The following FRMD6 variants were observed in gnomAD, a reference collection of about 807,000 sequenced individuals.
FRMD6 encodes the protein FERM domain containing 6.
A neutral mutation model predicts 73.2 loss-of-function variants in FRMD6; 37 were observed. That is an observed-to-expected ratio of 0.51 (90% CI 0.39 to 0.66). The LOEUF is 0.66. Ranked by LOEUF, FRMD6 falls within the 30% of genes least tolerant of loss-of-function variation. The pLI, the probability that FRMD6 is intolerant of heterozygous loss-of-function variation, is 0.00. For synonymous variants in FRMD6, 273 were observed against 282.2 expected, an observed-to-expected ratio of 0.97 and a Z score of 0.33; for missense variants, 714 against 780.5, an observed-to-expected ratio of 0.91 and a Z score of 1.02.
intron 2 of FRMD6, among the ~76,000 whole-genome samples, chr14:51,590,815 T>A (rs866461001): frequency 6.6e-6 from 1 of 152,234 alleles, no homozygotes; most frequent in Non-Finnish European, 1.5e-5. Context: ...ATAATTTAAC[T>A]GGTTGGAAGG....
Position 51,728,231 on chromosome 14 carries a change from T to A in FRMD6, c.*202T>A, listed in dbSNP as rs914389291. On this transcript the variant is annotated 3_prime_UTR_variant, in exon 14 of 14. Transcript: ENST00000344768. ...ACAGAAGTAAAAGAACTACAGAAAA[T>A]GTACAGCAAGACAAGTGCCCGGAAG... is the stretch of plus-strand genomic sequence containing the variant. The A allele has an allele frequency of 3.6e-6, 2 of 558,498 alleles. No individual in the cohort carries two copies. Among genetic ancestry groups the A allele is most frequent in the African/African-American group, 3.7e-5 (2 of 53,654 alleles). The allele number at this position is 558,498 out of a possible 1,614,324, so 34.6% of individuals were successfully genotyped here. A position where few individuals can be genotyped will look rare whatever the true frequency, so the allele number is the denominator to read the frequency against.
At chr14:51,471,665 G>A in the FRMD6 span, among the ~76,000 whole-genome samples, 1 of 152,076 alleles carries the variant, frequency 6.6e-6, no homozygotes, top group Non-Finnish European at 1.5e-5. Flanking sequence ...AGTTAATACA[G>A]TTGAAGAAAT....
intron 1 of FRMD6, among the ~76,000 whole-genome samples, chr14:51,655,453 A>G (rs1049000132): frequency 1.3e-5 from 2 of 152,116 alleles, no homozygotes; most frequent in Admixed American, 1.3e-4. Flanking sequence ...AAACCCAAAC[A>G]GGAAAAATGT....
At chr14:51,531,832 A>G (rs1215907718) in intron 1 of FRMD6, among the ~76,000 whole-genome samples, 1 of 152,212 alleles carries the variant, frequency 6.6e-6, no homozygotes, top group Non-Finnish European at 1.5e-5. Flanking sequence ...TCATTTGTCA[A>G]TTGCAGCCAT....
At chr14:51,475,258 G>T in the FRMD6 span, among the ~76,000 whole-genome samples, 1 of 152,202 alleles carries the variant, frequency 6.6e-6, no homozygotes, top group South Asian at 2.1e-4. Context: ...TACATTAACA[G>T]CATTGGAACC....
At chr14:51,465,850 G>T in the FRMD6 span, among the ~76,000 whole-genome samples, 1 of 152,060 alleles carries the variant, frequency 6.6e-6, no homozygotes, top group Admixed American at 6.6e-5. Context: ...TGGTCAGTAG[G>T]TGTATATTTA....
chr14:51,507,639 T>C (rs1305416651), intron 1 of FRMD6, among the ~76,000 whole-genome samples: 1 of 152,152 alleles, frequency 6.6e-6, no homozygotes, highest in Non-Finnish European at 1.5e-5. Flanking sequence ...GAGGACCTCC[T>C]CCTCTTTCCC....
At chr14:51,662,223 G>A (rs1041414589) in intron 1 of FRMD6, among the ~76,000 whole-genome samples, 4 of 152,038 alleles carry the variant, frequency 2.6e-5, no homozygotes, top group Middle Eastern at 3.4e-3. Context: ...CTATAATGGA[G>A]TACCACACAT....
chr14:51,414,633 G>A, the FRMD6 span, among the ~76,000 whole-genome samples: 2 of 152,178 alleles, frequency 1.3e-5, no homozygotes, highest in Non-Finnish European at 2.9e-5. Flanking sequence ...TCTTGGCAAT[G>A]CAGGCTCTTT....
intron 1 of FRMD6, among the ~76,000 whole-genome samples, chr14:51,672,901 G>T (rs1018859942): frequency 6.6e-6 from 1 of 152,088 alleles, no homozygotes; most frequent in Non-Finnish European, 1.5e-5. Flanking sequence ...TTTCATGGAG[G>T]ATAAGTGTAG....
chr14:51,501,068 C>G (rs1201156416), intron 1 of FRMD6, among the ~76,000 whole-genome samples: 4 of 152,134 alleles, frequency 2.6e-5, no homozygotes, highest in Admixed American at 1.3e-4. Flanking sequence ...ATCATTTCCT[C>G]TACTCCAAAA....
upstream of FRMD6, chr14:51,650,428 C>T (rs890684634): frequency 1.5e-4 from 18 of 123,698 alleles, no homozygotes; most frequent in African/African-American, 4.7e-4. Flanking sequence ...CGGAGTCTCG[C>T]TCTGTCGCCC....
At chr14:51,593,367 G>C (rs775904112) in intron 2 of FRMD6, among the ~76,000 whole-genome samples, 3 of 152,132 alleles carry the variant, frequency 2.0e-5, no homozygotes, top group Non-Finnish European at 4.4e-5. Flanking sequence ...GTGAATAAGT[G>C]GAAGCAAAGA....
At chr14:51,448,685 G>A in the FRMD6 span, among the ~76,000 whole-genome samples, 1 of 152,190 alleles carries the variant, frequency 6.6e-6, no homozygotes, top group Non-Finnish European at 1.5e-5. Flanking sequence ...TCAAGGGCAG[G>A]TTAGGTCAGG....
chr14:51,412,990 A>ATTTT, the FRMD6 span, among the ~76,000 whole-genome samples: 6 of 134,152 alleles, frequency 4.5e-5, no homozygotes, highest in Non-Finnish European at 6.4e-5. Context: ...CCATAGTTAA[A>ATTTT]TTTTTTTTTT....
intron 2 of FRMD6, among the ~76,000 whole-genome samples, chr14:51,578,442 G>A (rs556830565): frequency 2.6e-5 from 4 of 152,280 alleles, no homozygotes; most frequent in African/African-American, 9.6e-5. Flanking sequence ...AAAAGAGGTC[G>A]GAGGCATTTT....
At chr14:51,498,450 C>T (rs976328869) in intron 1 of FRMD6, among the ~76,000 whole-genome samples, 5 of 152,184 alleles carry the variant, frequency 3.3e-5, no homozygotes, top group Admixed American at 2.0e-4. Context: ...CAAGTGATTC[C>T]GACGCTTAGT....
chr14:51,576,613 C>T (rs1888418971), intron 2 of FRMD6, among the ~76,000 whole-genome samples: 1 of 152,150 alleles, frequency 6.6e-6, no homozygotes, highest in South Asian at 2.1e-4. Flanking sequence ...TCCCCTGCAC[C>T]CCTAAGCTCA....
chr14:51,517,176 A>G (rs1884681337), intron 1 of FRMD6, among the ~76,000 whole-genome samples: 2 of 152,234 alleles, frequency 1.3e-5, no homozygotes, highest in African/African-American at 4.8e-5. Context: ...TAAGGAAACA[A>G]TCTGTAATTG....
Sources: gnomAD v4.1 joint callset for allele counts (sites outside exome capture counted in the v4.1 genomes callset) on GRCh38, gnomAD v4.1.1 for gene constraint, MANE v1.5 for transcripts, NCBI Gene and HGNC (gene_info 2026-07-23, HGNC 2026-07-21) for gene names.